SORCS3: variants seen among roughly 807,000 people sequenced by gnomAD.
SORCS3 encodes VPS10 domain-containing receptor SorCS3.
In SORCS3, 57 loss-of-function variants were observed where a neutral mutation model predicts 146.3. The ratio of observed to expected loss-of-function variants is 0.39; its 90% CI spans 0.31 to 0.49. SORCS3 has a LOEUF of 0.49. SORCS3 is among the 20% of genes least tolerant of loss of function. The pLI is 0.92. For missense variants in SORCS3, 1,341 were observed against 1,575.5 expected (o/e 0.85, Z 2.52); for synonymous variants, 653 against 618.5 (o/e 1.06, Z -0.83).
At chr10:105,053,238 T>G (rs576772874) in intron 5 of SORCS3, among the ~76,000 whole-genome samples, 1 of 148,140 alleles carries the variant, frequency 6.8e-6, no homozygotes, top group East Asian at 2.0e-4. Context: ...CTTCAACATA[T>G]TTTTTTTTTG....
At chr10:105,045,003 C>G (rs1331918940) in intron 5 of SORCS3, among the ~76,000 whole-genome samples, 1 of 138,930 alleles carries the variant, frequency 7.2e-6, no homozygotes, top group Non-Finnish European at 1.5e-5. Context: ...TATGCCACCA[C>G]TCAGAAGTCC....
intron 3 of SORCS3, among the ~76,000 whole-genome samples, chr10:104,976,199 C>CA (rs2054896409): frequency 6.6e-6 from 1 of 152,094 alleles, no homozygotes. Context: ...ACAATGAACT[C>CA]AAACAAATTT....
intron 3 of SORCS3, among the ~76,000 whole-genome samples, chr10:104,947,698 G>A (rs560448598): frequency 6.6e-6 from 1 of 152,098 alleles, no homozygotes; most frequent in Non-Finnish European, 1.5e-5. Context: ...TCTTGGCTCA[G>A]TGCAATCTCT....
chr10:104,848,018 G>T (rs574755177), intron 2 of SORCS3, among the ~76,000 whole-genome samples: 2 of 152,104 alleles, frequency 1.3e-5, no homozygotes, highest in African/African-American at 2.4e-5. Context: ...CCATACTGGT[G>T]ATTCGTTCCT....
At chr10:104,751,158 G>A (rs1246742388) in intron 1 of SORCS3, among the ~76,000 whole-genome samples, 1 of 152,156 alleles carries the variant, frequency 6.6e-6, no homozygotes, top group Non-Finnish European at 1.5e-5. Flanking sequence ...AATGCAGTAT[G>A]AGATTGTGGA....
At chr10:105,061,983 C>T (rs1268951363) in intron 5 of SORCS3, among the ~76,000 whole-genome samples, 1 of 152,176 alleles carries the variant, frequency 6.6e-6, no homozygotes, top group East Asian at 1.9e-4. Context: ...GCCACCCACA[C>T]CTCAACACTT....
chr10:104,737,104 T>C (rs1422365672), intron 1 of SORCS3, among the ~76,000 whole-genome samples: 1 of 152,224 alleles, frequency 6.6e-6, no homozygotes, highest in Non-Finnish European at 1.5e-5. Context: ...ACAAAGGACA[T>C]GAACTCATCT....
At chr10:104,825,636 C>T (rs1366542704) in intron 1 of SORCS3, among the ~76,000 whole-genome samples, 2 of 152,132 alleles carry the variant, frequency 1.3e-5, no homozygotes, top group Non-Finnish European at 2.9e-5. Flanking sequence ...AGACTCCTAC[C>T]TAATGGTACA....
At chr10:105,217,639 T>G (rs1261359794) in intron 19 of SORCS3, among the ~76,000 whole-genome samples, 4 of 152,234 alleles carry the variant, frequency 2.6e-5, no homozygotes, top group Non-Finnish European at 5.9e-5. Flanking sequence ...TTACTGCAAG[T>G]TCATTCTGTT....
intron 16 of SORCS3, among the ~76,000 whole-genome samples, chr10:105,204,991 C>T (rs1312830774): frequency 6.6e-6 from 1 of 152,184 alleles, no homozygotes. Flanking sequence ...CAATGGTCCT[C>T]TCTAGCAGGA....
intron 1 of SORCS3, among the ~76,000 whole-genome samples, chr10:104,678,627 A>G (rs1180828547): frequency 6.6e-6 from 1 of 152,202 alleles, no homozygotes; most frequent in Non-Finnish European, 1.5e-5. Context: ...CCCTACTGTT[A>G]GCCTCCTGAG....
At chr10:105,111,532 A>G (rs1200686608) in intron 7 of SORCS3, among the ~76,000 whole-genome samples, 3 of 152,216 alleles carry the variant, frequency 2.0e-5, no homozygotes, top group Non-Finnish European at 1.5e-5. Context: ...CTAACAATAC[A>G]GGACAACTTA....
At chr10:104,917,041 C>T (rs945276911) in intron 3 of SORCS3, among the ~76,000 whole-genome samples, 2 of 152,290 alleles carry the variant, frequency 1.3e-5, no homozygotes, top group East Asian at 1.9e-4. Context: ...CCCCTAAGTA[C>T]ACCCAGCAAA....
At chr10:104,772,942 G>A (rs933241946) in intron 1 of SORCS3, among the ~76,000 whole-genome samples, 10 of 152,212 alleles carry the variant, frequency 6.6e-5, no homozygotes, top group African/African-American at 2.2e-4. Context: ...ATGGTTTAGG[G>A]AGGAAGACAT....
In SORCS3 at chr10:104,776,403, C is replaced by T. The variant is rs907336695; in HGVS notation, c.628-66389C>T. On this transcript the variant is annotated intron_variant, in intron 1 of 26. Coordinates refer to ENST00000369701, the MANE Select transcript of SORCS3 (RefSeq NM_014978.3). ...TGTTGCCAGACATTGCAAGGGTAGT[C>T]GGGGCTGGCGGGAAGCCCTCATCTA... 1.4e-4 allele frequency among the ~76,000 whole-genome samples: 21 copies of T among 152,086 alleles called. 1 individual carries two copies. The highest frequency in any genetic ancestry group is 7.2e-4 in the Admixed American group (11 of 15,272).
chr10:104,984,153 G>T (rs2054948585), intron 4 of SORCS3, among the ~76,000 whole-genome samples: 2 of 152,094 alleles, frequency 1.3e-5, no homozygotes, highest in South Asian at 2.1e-4. Context: ...TTTCTCAAAA[G>T]AAATGTTAGA....
At chr10:105,243,143 A>T (rs2056846850) in intron 20 of SORCS3, among the ~76,000 whole-genome samples, 1 of 148,842 alleles carries the variant, frequency 6.7e-6, no homozygotes, top group African/African-American at 2.5e-5. Flanking sequence ...AATGTAGCAA[A>T]GGTAATGAAC....
intron 1 of SORCS3, among the ~76,000 whole-genome samples, chr10:104,684,270 T>A (rs1162499623): frequency 2.0e-5 from 3 of 152,334 alleles, no homozygotes; most frequent in African/African-American, 7.2e-5. Flanking sequence ...GTGCCATTCA[T>A]AAAGCATGCC....
At chr10:105,042,956 G>T in intron 4 of SORCS3, 99 bp from the exon 5 acceptor site, 1 of 962,576 alleles carries the variant, frequency 1.0e-6, no homozygotes, top group African/African-American at 1.6e-5. Context: ...ACTTGGGTGT[G>T]TTGGGCACTC....
Sources: gnomAD v4.1 joint callset for allele counts (sites outside exome capture counted in the v4.1 genomes callset) on GRCh38, gnomAD v4.1.1 for gene constraint, MANE v1.5 for transcripts, NCBI Gene and HGNC (gene_info 2026-07-23, HGNC 2026-07-21) for gene names.